CHST11: variants seen among roughly 807,000 people sequenced by gnomAD.
CHST11 encodes the protein carbohydrate sulfotransferase 11, also known as C4S-1.
A neutral mutation model predicts 30.4 loss-of-function variants in CHST11; 9 were observed. The ratio of observed to expected loss-of-function variants is 0.30; its 90% confidence interval spans 0.18 to 0.52. CHST11 has a LOEUF of 0.52. CHST11 is among the 20% of genes least tolerant of loss of function. The probability of loss-of-function intolerance (pLI) is 0.97; values close to 1 mark genes in which losing one functional copy is unlikely to be tolerated. For missense variants in CHST11, 348 were observed against 460.6 expected (o/e 0.76, Z 2.24); for synonymous variants, 152 against 187.8 (o/e 0.81, Z 1.56).
chr12:104,636,233 C>T (rs2039322307), intron 2 of CHST11, among the ~76,000 whole-genome samples: 1 of 152,202 alleles, frequency 6.6e-6, no homozygotes, highest in African/African-American at 2.4e-5. Context: ...ACATCCCGCT[C>T]CATTTCTTTG....
Position 104,624,158 on chromosome 12 carries a change from C to T in CHST11, c.204+22167C>T, listed in dbSNP as rs181674365. The stretch of plus-strand genomic sequence containing the variant: ...ATTATGCAGCTCATTAAGATGCACT[C>T]CATTCCGGCCTCTGATCCTAGGGGA... On this transcript the variant is annotated intron_variant, in intron 2 of 2. Coordinates refer to ENST00000303694, the MANE Select transcript of CHST11 (RefSeq NM_018413.6). Among the ~76,000 whole-genome samples the T allele has an allele frequency of 8.2e-4, 125 of 152,314 alleles. 1 individual carries two copies. Among genetic ancestry groups the T allele is most frequent in the Admixed American group, 7.2e-3 (110 of 15,304 alleles).
chr12:104,488,379 A>ATG (rs982683849), intron 1 of CHST11, among the ~76,000 whole-genome samples: 1 of 149,656 alleles, frequency 6.7e-6, no homozygotes. Flanking sequence ...ATGCGTGTGT[A>ATG]TGTGTGTGTA....
intron 2 of CHST11, among the ~76,000 whole-genome samples, chr12:104,724,836 C>A (rs980628194): frequency 6.6e-6 from 1 of 152,290 alleles, no homozygotes; most frequent in East Asian, 1.9e-4. Context: ...TTCAGATAGA[C>A]AATGAATAAT....
intron 1 of CHST11, among the ~76,000 whole-genome samples, chr12:104,485,648 G>A (rs542991405): frequency 1.3e-5 from 2 of 152,208 alleles, no homozygotes; most frequent in Admixed American, 6.5e-5. Context: ...AGACTGACTC[G>A]GGCACTTCTC....
intron 1 of CHST11, among the ~76,000 whole-genome samples, chr12:104,572,489 A>G (rs768945661): frequency 2.6e-5 from 4 of 152,162 alleles, no homozygotes; most frequent in African/African-American, 7.2e-5. Context: ...TAGAATTTCT[A>G]GTTTACTTGC....
chr12:104,614,451 G>A (rs1247194383), intron 2 of CHST11, among the ~76,000 whole-genome samples: 2 of 152,166 alleles, frequency 1.3e-5, no homozygotes, highest in East Asian at 3.8e-4. Flanking sequence ...AGGCTGAGAC[G>A]GGAGGATCCC....
At chr12:104,532,550 C>T (rs2038195806) in intron 1 of CHST11, among the ~76,000 whole-genome samples, 1 of 152,216 alleles carries the variant, frequency 6.6e-6, no homozygotes, top group Admixed American at 6.5e-5. Flanking sequence ...GCATGCCATC[C>T]TCCCACCACC....
intron 1 of CHST11, among the ~76,000 whole-genome samples, chr12:104,576,087 T>G (rs1204271267): frequency 6.6e-6 from 1 of 151,974 alleles, no homozygotes; most frequent in Non-Finnish European, 1.5e-5. Context: ...CCAAGTACAG[T>G]ATATCCATGT....
At chr12:104,479,591 G>T (rs58676170) in intron 1 of CHST11, among the ~76,000 whole-genome samples, 5 of 152,176 alleles carry the variant, frequency 3.3e-5, no homozygotes, top group Non-Finnish European at 5.9e-5. Flanking sequence ...ACAGGCATCA[G>T]ATCTTGTTTT....
chr12:104,549,049 C>T (rs1402791584), intron 1 of CHST11, among the ~76,000 whole-genome samples: 1 of 152,196 alleles, frequency 6.6e-6, no homozygotes, highest in African/African-American at 2.4e-5. Flanking sequence ...ATCCCAACCA[C>T]GGTGATAAAT....
At chr12:104,578,412 G>A (rs889831372) in intron 1 of CHST11, among the ~76,000 whole-genome samples, 9 of 152,086 alleles carry the variant, frequency 5.9e-5, no homozygotes, top group African/African-American at 2.2e-4. Context: ...TTCTTTTCCT[G>A]CATTTGGGTA....
intron 1 of CHST11, among the ~76,000 whole-genome samples, chr12:104,496,817 A>G (rs2037802462): frequency 6.6e-6 from 1 of 151,934 alleles, no homozygotes; most frequent in Non-Finnish European, 1.5e-5. Flanking sequence ...TGTTTTATGT[A>G]TGGTGTGTTT....
intron 1 of CHST11, among the ~76,000 whole-genome samples, chr12:104,469,940 C>T (rs986220020): frequency 7.9e-5 from 12 of 152,344 alleles, no homozygotes; most frequent in Non-Finnish European, 1.3e-4. Flanking sequence ...TTTTTAAGCA[C>T]CCAGACCTCT....
chr12:104,556,416 T>C (rs2038455909), intron 1 of CHST11, among the ~76,000 whole-genome samples: 1 of 152,198 alleles, frequency 6.6e-6, no homozygotes. Context: ...ATTCTCATTA[T>C]CATAAAGTGG....
intron 2 of CHST11, among the ~76,000 whole-genome samples, chr12:104,748,013 G>C (rs752569258): frequency 2.6e-5 from 4 of 152,206 alleles, no homozygotes; most frequent in Non-Finnish European, 5.9e-5. Context: ...TTTTATAAAT[G>C]TCCAAATTAA....
chr12:104,571,913 T>C (rs955313528), intron 1 of CHST11, among the ~76,000 whole-genome samples: 1 of 152,222 alleles, frequency 6.6e-6, no homozygotes, highest in Admixed American at 6.5e-5. Flanking sequence ...ATTGAGAGTT[T>C]TTAGCATGAA....
intron 2 of CHST11, among the ~76,000 whole-genome samples, chr12:104,614,354 G>A (rs530360931): frequency 1.3e-5 from 2 of 152,108 alleles, no homozygotes; most frequent in East Asian, 3.9e-4. Context: ...GACCAGCCTG[G>A]GCCAGATGGC....
intron 1 of CHST11, among the ~76,000 whole-genome samples, chr12:104,531,076 C>T (rs1266221356): frequency 6.6e-6 from 1 of 152,224 alleles, no homozygotes; most frequent in Non-Finnish European, 1.5e-5. Context: ...ACCTTCATCT[C>T]TTCCCTTCTC....
At chr12:104,614,526 AT>A (rs200218715) in intron 2 of CHST11, among the ~76,000 whole-genome samples, 36 of 151,588 alleles carry the variant, frequency 2.4e-4, no homozygotes, top group Non-Finnish European at 4.7e-4. Context: ...GCCTGGTTGG[AT>A]TTTTTTTTGA....
Sources: allele counts gnomAD v4.1 joint callset (sites outside exome capture counted in the v4.1 genomes callset), GRCh38; gene constraint gnomAD v4.1.1; transcripts MANE v1.5; gene names NCBI Gene and HGNC (gene_info 2026-07-23, HGNC 2026-07-21).